The following FAM178B variants were observed in gnomAD, a reference collection of about 807,000 sequenced individuals.
FAM178B encodes protein FAM178B.
In FAM178B, 82 loss-of-function variants were observed where a neutral mutation model predicts 91.7. The ratio of observed to expected loss-of-function variants is 0.89; its 90% CI spans 0.75 to 1.07. The LOEUF (loss-of-function observed/expected upper bound fraction) is 1.07, where lower values mean the gene tolerates loss of function less well. Among genes scored for constraint, FAM178B ranks in the 50% least tolerant of loss-of-function variants. The probability of loss-of-function intolerance (pLI) is 0.00; values close to 1 mark genes in which losing one functional copy is unlikely to be tolerated. For synonymous variants in FAM178B, 368 were observed against 359.4 expected (o/e 1.02, Z -0.27); for missense variants, 769 against 846.7 (o/e 0.91, Z 1.14).
In FAM178B at chr2:96,877,962, G is replaced by A. The variant is rs1336725026; in HGVS notation, c.1935C>T (p.Arg645=). The stretch of plus-strand genomic sequence containing the variant: ...GGGTAGCCAGGTCCTTGAGCATGGT[G>A]CGGTGCATGGCCTGGGGGCTCTCCC... ...QIRESPQAMH[R]TMLKDLATQT... The change falls in exon 16 of 17, where the codon CGC becomes CGT. Residue 645 remains arginine (R), a synonymous_variant. Coordinates refer to ENST00000490605, the MANE Select transcript of FAM178B (RefSeq NM_001122646.3). 6.2e-7 allele frequency: 1 copy of A among 1,613,690 alleles called. No homozygotes were observed. Among genetic ancestry groups the A allele is most frequent in the African/African-American group, 1.3e-5 (1 of 74,946 alleles).
Position 96,965,459 on chromosome 2 carries a change from T to TC in FAM178B, c.734+2060dup, listed in dbSNP as rs542414497. The stretch of plus-strand genomic sequence containing the variant: ...CAGCATGTAGCGCAGTCAATCAGTC[T>TC]CCCCCCATTTTTTTTTTTTAAGAGA... On this transcript the variant is annotated intron_variant, in intron 5 of 16. Transcript: ENST00000490605. Among the ~76,000 whole-genome samples the TC allele has an allele frequency of 5.6e-3, 838 of 148,572 alleles. 15 individuals carry two copies. The highest frequency in any genetic ancestry group is 3.6e-3 in the Non-Finnish European group (245 of 67,266).
chr2:96,986,091 T>G, intron 1 of FAM178B, 150 bp downstream of exon 1: 1 of 1,428,106 alleles, frequency 7.0e-7, no homozygotes, highest in Non-Finnish European at 9.2e-7. Context: ...CCACGCGGGG[T>G]CGCAGGAACC....
chr2:96,960,813 C>T (rs1252080830), intron 5 of FAM178B, among the ~76,000 whole-genome samples: 1 of 152,154 alleles, frequency 6.6e-6, no homozygotes, highest in Non-Finnish European at 1.5e-5. Context: ...TCCCCTCTGG[C>T]GAGTGGACAG....
intron 14 of FAM178B, among the ~76,000 whole-genome samples, chr2:96,890,389 G>C (rs1015252845): frequency 5.9e-5 from 9 of 152,206 alleles, no homozygotes; most frequent in Non-Finnish European, 8.8e-5. Context: ...TATTGAGCCT[G>C]AGAAGGCGAG....
At position 96,927,859 on chromosome 2, in the gene FAM178B, G is replaced by A. The variant is rs372706746; in HGVS notation, c.1193+1347C>T. 2.5e-4 allele frequency among the ~76,000 whole-genome samples: 38 copies of A among 152,262 alleles called. 1 individual carries two copies. The South Asian group carries it at 7.5e-3, about 30-fold the overall frequency. ...ACAAGTGGCTCTTCTGGACTCCACG[G>A]CCCCTGCCTGCCTCAGACGTTCATT... On this transcript the variant is annotated intron_variant, in intron 9 of 16. Coordinates refer to ENST00000490605, the MANE Select transcript of FAM178B (RefSeq NM_001122646.3).
chr2:96,978,549 A>C (rs111430338), intron 1 of FAM178B, among the ~76,000 whole-genome samples: 1,819 of 151,998 alleles, frequency 0.012, 48 homozygotes, highest in African/African-American at 0.042. Context: ...GTGGTATTTG[A>C]CTTTCTGTTT....
chr2:96,884,061 G>A (rs1290796640), intron 14 of FAM178B, among the ~76,000 whole-genome samples: 5 of 152,194 alleles, frequency 3.3e-5, no homozygotes, highest in South Asian at 2.1e-4. Context: ...TTTCAGACCC[G>A]AGGCTGGGGC....
chr2:96,898,162 G>C, intron 13 of FAM178B: 1 of 969,926 alleles, frequency 1.0e-6, no homozygotes, highest in African/African-American at 1.8e-5. Context: ...CGATTGATAG[G>C]ATTTCTCCAG....
At chr2:96,883,552 C>G (rs1462981954) in intron 14 of FAM178B, among the ~76,000 whole-genome samples, 1 of 152,236 alleles carries the variant, frequency 6.6e-6, no homozygotes, top group Admixed American at 6.5e-5. Context: ...GAAGGCAGAC[C>G]TGTTTCTGGC....
intron 8 of FAM178B, chr2:96,938,816 G>C (rs1357055281): frequency 6.6e-6 from 1 of 152,352 alleles, no homozygotes; most frequent in Non-Finnish European, 1.5e-5. Context: ...GGAGCCAAGC[G>C]TAGAAGCAAG....
In FAM178B at chr2:96,925,374, C is replaced by T. The variant is rs574935869; in HGVS notation, c.1194-1791G>A. ...CTTCCCAAGTGAATGCCTGGCTGGT[C>T]AGAGTTCCAGAACTTTGTGAGCCCA... On this transcript the variant is annotated intron_variant, in intron 9 of 16. Transcript: ENST00000490605. Among the ~76,000 whole-genome samples, 3 of 152,310 alleles carry T rather than the reference C, an allele frequency of 2.0e-5. No homozygotes were observed. In the East Asian group the frequency reaches 5.8e-4, roughly 29 times the overall value.
At chr2:96,881,583 C>T (rs1391344032) in intron 14 of FAM178B, among the ~76,000 whole-genome samples, 1 of 152,002 alleles carries the variant, frequency 6.6e-6, no homozygotes, top group Non-Finnish European at 1.5e-5. Context: ...AACTTCCCCT[C>T]CTAGAAGGAG....
intron 4 of FAM178B, among the ~76,000 whole-genome samples, chr2:96,969,521 T>TA (rs1267553322): frequency 6.6e-6 from 1 of 152,164 alleles, no homozygotes; most frequent in Non-Finnish European, 1.5e-5. Flanking sequence ...GCCATCCTGT[T>TA]ACAGCAGCCC....
chr2:96,979,062 C>T (rs2082328567), intron 1 of FAM178B, among the ~76,000 whole-genome samples: 2 of 148,026 alleles, frequency 1.4e-5, no homozygotes, highest in South Asian at 2.2e-4. Context: ...CTGCAACCTC[C>T]ACCTCCCAGG....
At chr2:96,985,398 G>T (rs57415281) in intron 1 of FAM178B, among the ~76,000 whole-genome samples, 1 of 152,092 alleles carries the variant, frequency 6.6e-6, no homozygotes, top group Non-Finnish European at 1.5e-5. Flanking sequence ...CTGGGCTCTT[G>T]TCTCCCCGAA....
Position 96,982,287 on chromosome 2 carries a change from C to T in FAM178B, c.73+3954G>A, listed in dbSNP as rs746910380. Reference sequence around the variant, plus strand: ...ATATATTATTATTTTATTTTAGAGACAGGGTCTGGCTGTGTCACCCAGGCT... The same window carrying T: ...ATATATTATTATTTTATTTTAGAGATAGGGTCTGGCTGTGTCACCCAGGCT... On this transcript the variant is annotated intron_variant, in intron 1 of 16. Transcript: ENST00000490605. Among the ~76,000 whole-genome samples the T allele has an allele frequency of 9.2e-5, 14 of 151,782 alleles. 1 individual carries two copies. The highest frequency in any genetic ancestry group is 8.8e-5 in the Non-Finnish European group (6 of 67,988).
chr2:96,904,862 T>G (rs1444094709), intron 12 of FAM178B, among the ~76,000 whole-genome samples: 1 of 151,412 alleles, frequency 6.6e-6, no homozygotes, highest in East Asian at 2.0e-4. Flanking sequence ...TGCCCGGGTT[T>G]AAGCGATTCT....
chr2:96,908,172 C>T (rs1489675988), intron 12 of FAM178B, among the ~76,000 whole-genome samples: 3 of 152,244 alleles, frequency 2.0e-5, no homozygotes, highest in East Asian at 3.9e-4. Flanking sequence ...CACCAGACTG[C>T]CTGGTCATCC....
chr2:96,981,795 A>G (rs966192569), intron 1 of FAM178B, among the ~76,000 whole-genome samples: 6 of 150,876 alleles, frequency 4.0e-5, no homozygotes, highest in African/African-American at 1.5e-4. Context: ...GGCTGGGCAC[A>G]GGGGCTCACA....
Sources: gnomAD v4.1 joint callset for allele counts (sites outside exome capture counted in the v4.1 genomes callset) on GRCh38, gnomAD v4.1.1 for gene constraint, MANE v1.5 for transcripts, NCBI Gene and HGNC (gene_info 2026-07-23, HGNC 2026-07-21) for gene names.